ERC1: variants seen among roughly 807,000 people sequenced by gnomAD.
ERC1 encodes ELKS/RAB6-interacting/CAST family member 1.
In ERC1, 56 loss-of-function variants were observed where a neutral mutation model predicts 132.0. That is an observed-to-expected ratio of 0.42 (90% CI 0.34 to 0.53). The LOEUF is 0.53. Ranked by LOEUF, ERC1 falls within the 20% of genes least tolerant of loss-of-function variation. ERC1 has a pLI of 0.03. For missense variants in ERC1, 1,202 were observed against 1,349.9 expected (o/e 0.89, Z 1.72); for synonymous variants, 478 against 476.1 (o/e 1.00, Z -0.05).
chr12:1,026,198 G>A (rs1166055384), intron 1 of ERC1, among the ~76,000 whole-genome samples: 2 of 152,152 alleles, frequency 1.3e-5, no homozygotes, highest in African/African-American at 4.8e-5. Context: ...CATGGCGACA[G>A]GCAAGAGAAC....
At chr12:1,180,472 A>G (rs1394311909) in intron 8 of ERC1, 68 bp from the exon 9 acceptor site, 47 of 1,446,846 alleles carry the variant, frequency 3.2e-5, no homozygotes, top group Non-Finnish European at 4.5e-5. Context: ...AATTGAAATG[A>G]TTTTGATTGT....
At chr12:1,110,099 C>T in intron 4 of ERC1, 93 bp from the exon 5 acceptor site, 1 of 1,098,852 alleles carries the variant, frequency 9.1e-7, no homozygotes, top group Non-Finnish European at 1.3e-6. Flanking sequence ...ATTTGTCTAT[C>T]TTTATTAAAT....
intron 7 of ERC1, among the ~76,000 whole-genome samples, chr12:1,120,973 G>C (rs1947021303): frequency 2.0e-5 from 3 of 152,150 alleles, no homozygotes. Context: ...CTAAGAGTTA[G>C]TAATACATTC....
chr12:1,168,739 G>A (rs527471929), intron 8 of ERC1, among the ~76,000 whole-genome samples: 37 of 152,046 alleles, frequency 2.4e-4, no homozygotes, highest in Non-Finnish European at 4.1e-4. Flanking sequence ...TGCCCGCCTC[G>A]GCCTCCCAAA....
Position 1,029,167 on chromosome 12 carries a change from C to T in ERC1, c.669+595C>T, listed in dbSNP as rs186570857. The stretch of plus-strand genomic sequence containing the variant: ...CAGGAGTTCGAGACCAGCCTGGCGA[C>T]GTGGTGAAACCCTGACTCTACTAAA... On this transcript the variant is annotated intron_variant, in intron 2 of 18. Transcript: ENST00000360905. 3.8e-4 allele frequency among the ~76,000 whole-genome samples: 58 copies of T among 152,114 alleles called. 1 individual carries two copies. Among genetic ancestry groups the T allele is most frequent in the Admixed American group, 3.6e-3 (55 of 15,264 alleles).
chr12:1,469,852 G>A (rs1402587967), intron 18 of ERC1, among the ~76,000 whole-genome samples: 1 of 147,972 alleles, frequency 6.8e-6, no homozygotes, highest in Non-Finnish European at 1.5e-5. Context: ...GCAACTCCAG[G>A]CCCCACCCCA....
At position 1,193,455 on chromosome 12, in the gene ERC1, C is replaced by T. The variant is rs538715686; in HGVS notation, c.2351+3403C>T. 1.2e-3 allele frequency among the ~76,000 whole-genome samples: 176 copies of T among 146,030 alleles called. 1 individual carries two copies. Among genetic ancestry groups the T allele is most frequent in the African/African-American group, 4.2e-3 (163 of 38,466 alleles). ...ATACACACACACACACACACACACA[C>T]ATAGAGATAGATAAATACATATATA... On this transcript the variant is annotated intron_variant, in intron 12 of 18. Transcript: ENST00000360905.
chr12:1,204,376 A>C, intron 12 of ERC1: 1 of 664,366 alleles, frequency 1.5e-6, no homozygotes, highest in Non-Finnish European at 2.5e-6. Context: ...AGAATTTGTG[A>C]CTCCTTCCCT....
At chr12:1,312,469 A>T (rs770863823) in intron 15 of ERC1, among the ~76,000 whole-genome samples, 3 of 151,954 alleles carry the variant, frequency 2.0e-5, no homozygotes, top group Non-Finnish European at 4.4e-5. Flanking sequence ...AGTGATTCTC[A>T]TGCCTCAGTT....
At chr12:1,344,791 C>T (rs114186000) in intron 15 of ERC1, among the ~76,000 whole-genome samples, 556 of 152,264 alleles carry the variant, frequency 3.7e-3, no homozygotes, top group African/African-American at 0.013. Flanking sequence ...GTTAAGTTTA[C>T]ACATTTATAT....
chr12:1,277,668 A>C (rs939246354), intron 14 of ERC1, among the ~76,000 whole-genome samples: 3 of 151,898 alleles, frequency 2.0e-5, no homozygotes, highest in Non-Finnish European at 4.4e-5. Flanking sequence ...TCTGTCTTAC[A>C]AAAAAAATAG....
At chr12:1,212,411 C>T (rs1304132375) in intron 12 of ERC1, among the ~76,000 whole-genome samples, 9 of 152,108 alleles carry the variant, frequency 5.9e-5, no homozygotes, top group Admixed American at 5.2e-4. Context: ...CTGATCATCA[C>T]CACCACCTCC....
chr12:1,245,865 C>G (rs1293428227), intron 13 of ERC1, among the ~76,000 whole-genome samples: 1 of 152,172 alleles, frequency 6.6e-6, no homozygotes, highest in African/African-American at 2.4e-5. Flanking sequence ...TTTATAGTAA[C>G]TTATCTCATA....
intron 15 of ERC1, among the ~76,000 whole-genome samples, chr12:1,351,516 G>T (rs2084993881): frequency 6.6e-6 from 1 of 152,100 alleles, no homozygotes; most frequent in Non-Finnish European, 1.5e-5. Context: ...GTGTGTAGTG[G>T]TATCTCATTG....
At chr12:1,260,386 A>G (rs561377276) in intron 13 of ERC1, among the ~76,000 whole-genome samples, 1 of 152,318 alleles carries the variant, frequency 6.6e-6, no homozygotes, top group Non-Finnish European at 1.5e-5. Context: ...TCTAAACTTT[A>G]CAGAAAGAGT....
At chr12:1,463,697 CTGTGTGTGTGTGTGTGTG>C (rs57210462) in intron 18 of ERC1, among the ~76,000 whole-genome samples, 1 of 136,030 alleles carries the variant, frequency 7.4e-6, no homozygotes. Flanking sequence ...GGTGCTAAGA[CTGTGTGTGTGTGTGTGTG>C]TGTGTGTGTG....
At chr12:1,061,429 C>T (rs1479731464) in intron 2 of ERC1, among the ~76,000 whole-genome samples, 3 of 69,944 alleles carry the variant, frequency 4.3e-5, no homozygotes, top group African/African-American at 1.8e-4. Flanking sequence ...AACCCTGTCT[C>T]TACTATAAAA....
chr12:1,475,985 T>C (rs1592282347), intron 18 of ERC1, among the ~76,000 whole-genome samples: 1 of 145,952 alleles, frequency 6.9e-6, no homozygotes, highest in Admixed American at 6.8e-5. Flanking sequence ...AAAAAAAGGC[T>C]GGGCAAGGTG....
intron 8 of ERC1, among the ~76,000 whole-genome samples, chr12:1,155,291 A>G (rs1041404132): frequency 1.0e-4 from 14 of 138,064 alleles, no homozygotes; most frequent in Non-Finnish European, 2.0e-4. Flanking sequence ...GTGCCACTGC[A>G]CTCACAGGGC....
Sources: allele counts gnomAD v4.1 joint callset (sites outside exome capture counted in the v4.1 genomes callset), GRCh38; gene constraint gnomAD v4.1.1; transcripts MANE v1.5; gene names NCBI Gene and HGNC (gene_info 2026-07-23, HGNC 2026-07-21).